Variants in IMMP2L observed in about 807,000 individuals in gnomAD.
IMMP2L encodes mitochondrial inner membrane protease subunit 2.
IMMP2L carries 18 observed loss-of-function variants against 19.3 expected under a neutral mutation model. That is an observed-to-expected ratio of 0.93 (90% CI 0.64 to 1.38). The LOEUF (loss-of-function observed/expected upper bound fraction) is 1.38, where lower values mean the gene tolerates loss of function less well. Ranked by LOEUF, IMMP2L falls within the 40% of genes most tolerant of loss-of-function variation. The pLI, the probability that IMMP2L is intolerant of heterozygous loss-of-function variation, is 0.00. For synonymous variants in IMMP2L, 76 were observed against 73.0 expected (o/e 1.04, Z -0.21); for missense variants, 233 against 218.2 (o/e 1.07, Z -0.43).
intron 3 of IMMP2L, among the ~76,000 whole-genome samples, chr7:111,223,831 G>A (rs1426190754): frequency 1.3e-5 from 2 of 152,022 alleles, no homozygotes; most frequent in Non-Finnish European, 2.9e-5. Context: ...TCAGGCCTTC[G>A]CTGAGACCAT....
intron 3 of IMMP2L, among the ~76,000 whole-genome samples, chr7:111,064,131 T>C (rs1794281437): frequency 6.6e-6 from 1 of 152,148 alleles, no homozygotes; most frequent in Admixed American, 6.6e-5. Flanking sequence ...TCCACGTGGC[T>C]GTGGAAGACA....
At chr7:111,035,478 T>A (rs1043000070) in intron 3 of IMMP2L, among the ~76,000 whole-genome samples, 1 of 152,298 alleles carries the variant, frequency 6.6e-6, no homozygotes, top group Admixed American at 6.5e-5. Context: ...AACCAAAGAA[T>A]ACTGCAATAA....
intron 5 of IMMP2L, among the ~76,000 whole-genome samples, chr7:110,876,795 A>G (rs1260260572): frequency 6.6e-6 from 1 of 151,974 alleles, no homozygotes; most frequent in African/African-American, 2.4e-5. Flanking sequence ...TTCATTCATA[A>G]TTTTCCCAAA....
intron 3 of IMMP2L, among the ~76,000 whole-genome samples, chr7:111,361,692 A>G (rs1289147535): frequency 1.3e-5 from 2 of 152,086 alleles, no homozygotes; most frequent in African/African-American, 2.4e-5. Flanking sequence ...AAAGTGTTCA[A>G]CTAAGAGAGC....
At position 110,733,534 on chromosome 7, in the gene IMMP2L, AAG is replaced by A. The variant is rs201889712; in HGVS notation, c.409-69815_409-69814del. On this transcript the variant is annotated intron_variant, in intron 5 of 5. Transcript: ENST00000405709. ...TTCTAAGAAAAGAGGAAGGAAGAGA[AAG>A]AGAGAAGGACAGATTTTAGAAGCCA... Among the ~76,000 whole-genome samples, 396 of 130,530 alleles carry A rather than the reference AAG, an allele frequency of 3.0e-3. 3 individuals carry two copies. Among genetic ancestry groups the A allele is most frequent in the African/African-American group, 9.1e-3 (373 of 40,884 alleles). The allele number at this position is 130,530 out of a possible 152,430, so 85.6% of individuals were successfully genotyped here.
At chr7:111,533,245 G>A (rs1390448674) in intron 1 of IMMP2L, among the ~76,000 whole-genome samples, 1 of 152,052 alleles carries the variant, frequency 6.6e-6, no homozygotes, top group Non-Finnish European at 1.5e-5. Context: ...ACAGCAAATG[G>A]AACTGCGATC....
At chr7:111,326,630 A>T (rs1023197604) in intron 3 of IMMP2L, among the ~76,000 whole-genome samples, 2 of 151,796 alleles carry the variant, frequency 1.3e-5, no homozygotes, top group Admixed American at 1.3e-4. Context: ...TGCAATGAAA[A>T]CCGCAAGGAT....
chr7:111,155,987 T>C (rs1363512211), intron 3 of IMMP2L, among the ~76,000 whole-genome samples: 1 of 152,138 alleles, frequency 6.6e-6, no homozygotes, highest in East Asian at 1.9e-4. Context: ...GTTTGACTTA[T>C]TTGCTCCAGA....
chr7:110,815,787 G>A (rs1022163378), intron 5 of IMMP2L, among the ~76,000 whole-genome samples: 7 of 152,074 alleles, frequency 4.6e-5, no homozygotes, highest in African/African-American at 1.2e-4. Context: ...ATGGTAGTTC[G>A]TATTTCTGTG....
At chr7:111,560,525 T>A (rs917261699) in intron 1 of IMMP2L, among the ~76,000 whole-genome samples, 2 of 152,228 alleles carry the variant, frequency 1.3e-5, no homozygotes, top group Non-Finnish European at 2.9e-5. Context: ...AGGTCAGCCA[T>A]CCTTGTAAGT....
intron 3 of IMMP2L, among the ~76,000 whole-genome samples, chr7:111,421,268 T>C (rs35660171): frequency 2.2e-5 from 2 of 89,622 alleles, no homozygotes; most frequent in East Asian, 4.5e-4. Flanking sequence ...TGTTTTTTTC[T>C]TTTTTTTTTT....
intron 3 of IMMP2L, among the ~76,000 whole-genome samples, chr7:111,305,975 A>T (rs566914393): frequency 6.6e-5 from 10 of 152,276 alleles, no homozygotes; most frequent in African/African-American, 2.4e-4. Context: ...AAACTATCAC[A>T]AATTTTTATA....
intron 3 of IMMP2L, among the ~76,000 whole-genome samples, chr7:111,145,739 T>C (rs1308991216): frequency 6.6e-6 from 1 of 152,082 alleles, no homozygotes; most frequent in Non-Finnish European, 1.5e-5. Context: ...ATTAGAATCA[T>C]GAGCCACTTC....
chr7:110,689,509 T>C (rs1793349689), intron 5 of IMMP2L, among the ~76,000 whole-genome samples: 1 of 152,208 alleles, frequency 6.6e-6, no homozygotes, highest in African/African-American at 2.4e-5. Flanking sequence ...AATTTCAAAC[T>C]GCTATATTTT....
At chr7:110,714,586 T>C (rs964204467) in intron 5 of IMMP2L, among the ~76,000 whole-genome samples, 2 of 151,868 alleles carry the variant, frequency 1.3e-5, no homozygotes, top group Non-Finnish European at 2.9e-5. Flanking sequence ...GTACAGAGCT[T>C]TGTTTGTTTG....
chr7:111,003,210 C>T (rs904971633), intron 3 of IMMP2L, among the ~76,000 whole-genome samples: 1 of 151,846 alleles, frequency 6.6e-6, no homozygotes, highest in African/African-American at 2.4e-5. Context: ...ATTTGCTTGC[C>T]CTGACTTTTC....
chr7:111,460,820 T>G (rs1452120129), intron 3 of IMMP2L, among the ~76,000 whole-genome samples: 2 of 152,078 alleles, frequency 1.3e-5, no homozygotes, highest in Non-Finnish European at 2.9e-5. Flanking sequence ...AAATATGGAC[T>G]ATATTGAACC....
intron 3 of IMMP2L, among the ~76,000 whole-genome samples, chr7:111,065,303 G>T (rs1249479503): frequency 6.6e-6 from 1 of 152,112 alleles, no homozygotes; most frequent in Non-Finnish European, 1.5e-5. Flanking sequence ...TTGGGGATTG[G>T]TGCATTTCCG....
intron 3 of IMMP2L, among the ~76,000 whole-genome samples, chr7:111,467,963 T>C (rs929223921): frequency 1.3e-5 from 2 of 152,146 alleles, no homozygotes; most frequent in African/African-American, 4.8e-5. Flanking sequence ...AAGAAAAATA[T>C]GTTGCACTTT....
Sources: allele counts gnomAD v4.1 joint callset (sites outside exome capture counted in the v4.1 genomes callset), GRCh38; gene constraint gnomAD v4.1.1; transcripts MANE v1.5; gene names NCBI Gene and HGNC (gene_info 2026-07-23, HGNC 2026-07-21).